LARGE1: variants seen among roughly 807,000 people sequenced by gnomAD.
LARGE1 encodes the protein xylosyl- and glucuronyltransferase LARGE1.
A neutral mutation model predicts 87.6 loss-of-function variants in LARGE1; 43 were observed. The observed-to-expected ratio is 0.49, with a 90% confidence interval of 0.38 to 0.63. The LOEUF is 0.63. Among genes scored for constraint, LARGE1 ranks in the 30% least tolerant of loss-of-function variants. The pLI is 0.00. For synonymous variants in LARGE1, 434 were observed against 394.6 expected, an observed-to-expected ratio of 1.10 and a Z score of -1.18; for missense variants, 802 against 1,000.2, an observed-to-expected ratio of 0.80 and a Z score of 2.67.
chr22:33,562,700 T>A (rs529256344), intron 6 of LARGE1, among the ~76,000 whole-genome samples: 25 of 152,272 alleles, frequency 1.6e-4, no homozygotes, highest in African/African-American at 6.0e-4. Flanking sequence ...AAAATAACCA[T>A]GACAATTCAC....
intron 1 of LARGE1, among the ~76,000 whole-genome samples, chr22:33,884,935 G>A (rs755994934): frequency 2.6e-5 from 4 of 152,182 alleles, no homozygotes; most frequent in Non-Finnish European, 5.9e-5. Context: ...GTATTTGTGA[G>A]GCTTTCCATG....
intron 6 of LARGE1, among the ~76,000 whole-genome samples, chr22:33,456,077 GCAA>G: frequency 6.6e-6 from 1 of 152,168 alleles, no homozygotes; most frequent in Non-Finnish European, 1.5e-5. Flanking sequence ...AGCTGGCTGA[GCAA>G]TTACTACAGG....
intron 12 of LARGE1, among the ~76,000 whole-genome samples, chr22:33,284,118 C>T (rs1250111672): frequency 6.6e-6 from 1 of 152,078 alleles, no homozygotes; most frequent in Non-Finnish European, 1.5e-5. Flanking sequence ...CACATGTTTT[C>T]AGTGTGTGCT....
intron 1 of LARGE1, among the ~76,000 whole-genome samples, chr22:33,845,642 T>C (rs1174402993): frequency 6.6e-6 from 1 of 152,118 alleles, no homozygotes; most frequent in Non-Finnish European, 1.5e-5. Flanking sequence ...CTTTAGGAAA[T>C]GGCTAAGAAA....
chr22:33,694,282 G>A (rs1397904468), intron 2 of LARGE1, among the ~76,000 whole-genome samples: 1 of 152,172 alleles, frequency 6.6e-6, no homozygotes, highest in Non-Finnish European at 1.5e-5. Flanking sequence ...GCTGTCTAAG[G>A]GGTGATCCAT....
At chr22:33,687,144 C>G (rs1034430594) in intron 2 of LARGE1, among the ~76,000 whole-genome samples, 1 of 151,794 alleles carries the variant, frequency 6.6e-6, no homozygotes, top group African/African-American at 2.4e-5. Flanking sequence ...CCAAGATGAC[C>G]ACCTCTTCCT....
chr22:33,105,169 T>C, the LARGE1 span, among the ~76,000 whole-genome samples: 3 of 151,584 alleles, frequency 2.0e-5, no homozygotes, highest in Non-Finnish European at 2.9e-5. Context: ...CGCTATTTTT[T>C]TTTTGCATTT....
intron 6 of LARGE1, among the ~76,000 whole-genome samples, chr22:33,445,005 T>C (rs1450539523): frequency 1.3e-5 from 2 of 152,122 alleles, no homozygotes; most frequent in Non-Finnish European, 2.9e-5. Context: ...CATTTTTGTA[T>C]TTTTGGTAGA....
At chr22:33,359,368 T>C (rs1217545308) in intron 9 of LARGE1, among the ~76,000 whole-genome samples, 1 of 152,046 alleles carries the variant, frequency 6.6e-6, no homozygotes, top group Admixed American at 6.6e-5. Context: ...GAAAAAAGAT[T>C]TACCTTGTGA....
At chr22:33,885,152 C>T (rs936767327) in intron 1 of LARGE1, among the ~76,000 whole-genome samples, 11 of 152,226 alleles carry the variant, frequency 7.2e-5, no homozygotes, top group Admixed American at 5.2e-4. Context: ...AAAGTGACAG[C>T]CCTCGCTTTC....
intron 11 of LARGE1, among the ~76,000 whole-genome samples, chr22:33,177,376 A>G (rs571737088): frequency 7.9e-5 from 12 of 152,336 alleles, no homozygotes; most frequent in African/African-American, 2.9e-4. Flanking sequence ...TGGATATTTA[A>G]TATATTAGAG....
rs537154299 is a variant in LARGE1, at chr22:33,757,994, C to G, written c.106+3377G>C. ...GGTCACCTTGCGTAACTGCCTGTCTCGCTCAGCTCCCTCCCACGATACTGG... is the reference window on the plus strand; with the variant it reads ...GGTCACCTTGCGTAACTGCCTGTCTGGCTCAGCTCCCTCCCACGATACTGG... On this transcript the variant is annotated intron_variant, in intron 2 of 14. Transcript: ENST00000397394. Among the ~76,000 whole-genome samples the G allele has an allele frequency of 3.3e-5, 5 of 152,246 alleles. No individual in the cohort carries two copies. In the South Asian group the frequency reaches 1.0e-3, roughly 32 times the overall value.
chr22:33,817,033 C>T (rs1042675633), intron 1 of LARGE1, among the ~76,000 whole-genome samples: 2 of 152,124 alleles, frequency 1.3e-5, no homozygotes, highest in Admixed American at 6.6e-5. Flanking sequence ...CACACATATA[C>T]ATTTATATGT....
At chr22:33,846,030 CAG>C (rs2063420222) in intron 1 of LARGE1, among the ~76,000 whole-genome samples, 1 of 152,206 alleles carries the variant, frequency 6.6e-6, no homozygotes, top group Non-Finnish European at 1.5e-5. Context: ...TGTTTTTCTA[CAG>C]AGTTTTCCGC....
chr22:33,188,952 C>T (rs1923629994), intron 11 of LARGE1, among the ~76,000 whole-genome samples: 1 of 151,678 alleles, frequency 6.6e-6, no homozygotes, highest in South Asian at 2.1e-4. Flanking sequence ...TGGTCGCCAA[C>T]ATTGTCCACC....
intron 6 of LARGE1, among the ~76,000 whole-genome samples, chr22:33,475,156 A>C (rs915647531): frequency 1.3e-5 from 2 of 152,094 alleles, no homozygotes; most frequent in African/African-American, 2.4e-5. Flanking sequence ...TTTTTCAGGA[A>C]TCTTGCCTAA....
intron 11 of LARGE1, among the ~76,000 whole-genome samples, chr22:33,222,841 C>A (rs1039371404): frequency 3.3e-5 from 5 of 152,170 alleles, no homozygotes; most frequent in African/African-American, 7.2e-5. Context: ...CCTAGGGTAC[C>A]TCATTCACAC....
chr22:33,497,821 T>A (rs753688144), intron 6 of LARGE1, among the ~76,000 whole-genome samples: 1 of 151,978 alleles, frequency 6.6e-6, no homozygotes, highest in Non-Finnish European at 1.5e-5. Context: ...GCGTACTTCA[T>A]CTCAGTTCAT....
intron 9 of LARGE1, among the ~76,000 whole-genome samples, chr22:33,342,737 G>A (rs935103009): frequency 6.6e-6 from 1 of 152,152 alleles, no homozygotes; most frequent in South Asian, 2.1e-4. Flanking sequence ...CTCTGCATCT[G>A]TCTAGTTTGT....
Sources: gnomAD v4.1 joint callset for allele counts (sites outside exome capture counted in the v4.1 genomes callset) on GRCh38, gnomAD v4.1.1 for gene constraint, MANE v1.5 for transcripts, NCBI Gene and HGNC (gene_info 2026-07-23, HGNC 2026-07-21) for gene names.